The following ZNF512B variants were observed in gnomAD, a reference collection of about 807,000 sequenced individuals.
ZNF512B encodes zinc finger protein 512B.
A neutral mutation model predicts 87.8 loss-of-function variants in ZNF512B; 22 were observed. That is an observed-to-expected ratio of 0.25 (90% confidence interval 0.18 to 0.36). ZNF512B has a LOEUF of 0.36. Ranked by LOEUF, ZNF512B falls within the 10% of genes least tolerant of loss-of-function variation. The probability of loss-of-function intolerance (pLI) is 1.00; values close to 1 mark genes in which losing one functional copy is unlikely to be tolerated. For synonymous variants in ZNF512B, 524 were observed against 490.9 expected, an observed-to-expected ratio of 1.07 and a Z score of -0.89; for missense variants, 1,060 against 1,231.6, an observed-to-expected ratio of 0.86 and a Z score of 2.09.
In ZNF512B at chr20:63,961,685, C is replaced by T. The variant is rs897817853; in HGVS notation, c.2328+257G>A. Among the ~76,000 whole-genome samples, 1 of 152,150 alleles carries T rather than the reference C, an allele frequency of 6.6e-6. No homozygotes were observed. The highest frequency in any genetic ancestry group is 2.4e-5 in the African/African-American group (1 of 41,430). On this transcript the variant is annotated intron_variant, in intron 15 of 16. Coordinates refer to ENST00000369888, the MANE Select transcript of ZNF512B (RefSeq NM_020713.3). This position sits in a 1 kb window ranked among gnomAD's most constrained non-coding sequence, Gnocchi z 6.4. ...TGCCATCTGCGTGGGTCGGGGTGCCCACCCATGCCTACATGGACGCAGAGC... is the reference window on the plus strand; with the variant it reads ...TGCCATCTGCGTGGGTCGGGGTGCCTACCCATGCCTACATGGACGCAGAGC...
Position 63,959,557 on chromosome 20 carries a change from C to CG in ZNF512B, c.*330dup, listed in dbSNP as rs911840046. 14 of 336,862 alleles carry CG rather than the reference C, an allele frequency of 4.2e-5. 1 individual carries two copies. Among genetic ancestry groups the CG allele is most frequent in the Admixed American group, 1.9e-4 (4 of 21,408 alleles). 20.9% of individuals were successfully genotyped at this position (336,862 alleles called of 1,614,324 possible). Reference sequence around the variant, plus strand: ...CCGGCAGGGCCTGAGGAAGCGGAGCCGGGGGGCCAAAGGCCATCTGCCTAC... The same window carrying CG: ...CCGGCAGGGCCTGAGGAAGCGGAGCCGGGGGGGCCAAAGGCCATCTGCCTAC... On this transcript the variant is annotated 3_prime_UTR_variant, in exon 17 of 17. Transcript: ENST00000369888.
At chr20:63,968,498 TTGA>T (rs2058950273) in intron 1 of ZNF512B, among the ~76,000 whole-genome samples, 1 of 152,152 alleles carries the variant, frequency 6.6e-6, no homozygotes, top group Non-Finnish European at 1.5e-5. Flanking sequence ...CCATGCTGAC[TTGA>T]TGCAATGCCA....
Position 63,957,764 on chromosome 20 carries a change from T to A in ZNF512B, c.*2124A>T, listed in dbSNP as rs1359553338. On this transcript the variant is annotated 3_prime_UTR_variant, in exon 17 of 17. Coordinates refer to ENST00000369888, the MANE Select transcript of ZNF512B (RefSeq NM_020713.3). ...ACCCTGCAGGTGTTCAGGTCCACCC[T>A]CCTCCCGCCATTGGTGGCAAGGACA... The A allele has an allele frequency of 6.6e-6, 1 of 152,108 alleles. No individual in the cohort carries two copies. Among genetic ancestry groups the A allele is most frequent in the African/African-American group, 2.4e-5 (1 of 41,304 alleles). 9.4% of individuals were successfully genotyped at this position (152,108 alleles called of 1,614,324 possible).
rs1050977433 is a variant in ZNF512B, at chr20:63,969,888, C to G, written c.-77G>C. On this transcript the variant is annotated 5_prime_UTR_variant, in exon 1 of 17. Transcript: ENST00000369888. ...GGGCGCGGGGCGCGGGGCGCTGGGTCCGGGCGGCGCAGGCTGCGCGCCGCG... is the reference window on the plus strand; with the variant it reads ...GGGCGCGGGGCGCGGGGCGCTGGGTGCGGGCGGCGCAGGCTGCGCGCCGCG... 1 of 145,694 alleles carries G rather than the reference C, an allele frequency of 6.9e-6. No individual in the cohort carries two copies. Among genetic ancestry groups the G allele is most frequent in the Non-Finnish European group, 1.5e-5 (1 of 65,538 alleles). 9.0% of individuals were successfully genotyped at this position (145,694 alleles called of 1,614,324 possible). A position where few individuals can be genotyped will look rare whatever the true frequency, so the allele number is the denominator to read the frequency against.
At position 63,962,648 on chromosome 20, in the gene ZNF512B, T is replaced by G. The variant is rs777864013; in HGVS notation, c.2102A>C (p.Glu701Ala). The G allele has an allele frequency of 5.6e-6, 9 of 1,606,870 alleles. No homozygotes were observed. The highest frequency in any genetic ancestry group is 7.6e-6 in the Non-Finnish European group (9 of 1,178,306). The change falls in exon 13 of 17, where the codon GAG (glutamate) becomes GCG (alanine). Residue 701 changes from glutamate to alanine, a missense_variant. By Grantham distance (107) the Glu-to-Ala change is moderately radical. This residue lies in a region of ZNF512B where 14 missense variants were observed against 38.7 expected (regional missense o/e 0.36). Coordinates refer to ENST00000369888, the MANE Select transcript of ZNF512B (RefSeq NM_020713.3). The stretch of plus-strand genomic sequence containing the variant: ...CCGCTTGGTCCAGTCGCGGGCCAGC[T>G]CGTCCTCCGCTATCTCCTGCAGGTG... Reference protein sequence around the residue: ...VFHLQEIAEDELARDWTKRRM... With the variant: ...VFHLQEIAEDALARDWTKRRM...
At position 63,969,858 on chromosome 20, in the gene ZNF512B, G is replaced by C. The variant is rs1380267343; in HGVS notation, c.-47C>G. ...TGCGGCCGGGCCGGGCCGGGCCGGGGCGGGGGGCGCGGGGCGCGGGGCGCT... is the reference window on the plus strand; with the variant it reads ...TGCGGCCGGGCCGGGCCGGGCCGGGCCGGGGGGCGCGGGGCGCGGGGCGCT... On this transcript the variant is annotated 5_prime_UTR_variant, in exon 1 of 17. Transcript: ENST00000369888. 1 of 144,742 alleles carries C rather than the reference G, an allele frequency of 6.9e-6. No individual in the cohort carries two copies. Among genetic ancestry groups the C allele is most frequent in the Non-Finnish European group, 1.5e-5 (1 of 65,014 alleles). The allele number at this position is 144,742 out of a possible 1,614,324, so 9.0% of individuals were successfully genotyped here.
chr20:63,969,388 C>T (rs1214096228), intron 1 of ZNF512B, among the ~76,000 whole-genome samples: 3 of 152,022 alleles, frequency 2.0e-5, no homozygotes, highest in African/African-American at 7.2e-5. Context: ...GGGGCTCCGC[C>T]GCGCTGCGCG....
chr20:63,963,237 A>C lies in ZNF512B; in HGVS notation c.1826T>G (p.Met609Arg). The C allele has an allele frequency of 6.5e-7, 1 of 1,548,050 alleles. No homozygotes were observed. The highest frequency in any genetic ancestry group is 1.2e-5 in the South Asian group (1 of 84,546). ...EGCGAAFSSL[M>R]GYQYHQRRCG... ...GCGCCGCTGGTGGTACTGGTAGCCC[A>C]TGAGGCTGGAGAAGGCAGCCCCGCA... is the stretch of plus-strand genomic sequence containing the variant. The change falls in exon 12 of 17, where the codon ATG (methionine) becomes AGG (arginine). Residue 609 changes from methionine (M) to arginine (R), a missense_variant. Transcript: ENST00000369888.
chr20:63,960,508 G>A (rs369899117), intron 16 of ZNF512B, among the ~76,000 whole-genome samples: 3 of 136,632 alleles, frequency 2.2e-5, no homozygotes, highest in South Asian at 5.3e-4. Context: ...GGCACCTGCC[G>A]CAGGGCTGGA....
At chr20:63,968,630 C>T (rs1489098944) in intron 1 of ZNF512B, among the ~76,000 whole-genome samples, 1 of 152,210 alleles carries the variant, frequency 6.6e-6, no homozygotes, top group Admixed American at 6.5e-5. Context: ...GTCCCTGTGC[C>T]GGCTGAACTA....
intron 2 of ZNF512B, 69 bp from the exon 3 acceptor site, chr20:63,967,592 CCA>C: frequency 7.2e-6 from 11 of 1,520,296 alleles, no homozygotes; most frequent in Non-Finnish European, 9.7e-6. Context: ...CTGCACAGGC[CCA>C]CAGTGAGCAC....
At position 63,961,680 on chromosome 20, in the gene ZNF512B, G is replaced by A. The variant is rs1287162974; in HGVS notation, c.2328+262C>T. Among the ~76,000 whole-genome samples, 1 of 152,152 alleles carries A rather than the reference G, an allele frequency of 6.6e-6. No homozygotes were observed. Among genetic ancestry groups the A allele is most frequent in the Non-Finnish European group, 1.5e-5 (1 of 68,024 alleles). ...CAGTGTGCCATCTGCGTGGGTCGGGGTGCCCACCCATGCCTACATGGACGC... is the reference window on the plus strand; with the variant it reads ...CAGTGTGCCATCTGCGTGGGTCGGGATGCCCACCCATGCCTACATGGACGC... On this transcript the variant is annotated intron_variant, in intron 15 of 16. Coordinates refer to ENST00000369888, the MANE Select transcript of ZNF512B (RefSeq NM_020713.3). The surrounding 1 kb of genome is among the most constrained non-coding windows in gnomAD (Gnocchi z 6.4).
At chr20:63,964,884 T>TGTGGCACGAGGTGCTTTGTTCTCC (rs1569197957) in intron 5 of ZNF512B, among the ~76,000 whole-genome samples, 168 bp from the exon 6 acceptor site, 1,324 of 34,454 alleles carry the variant, frequency 0.038, 235 homozygotes, top group Non-Finnish European at 0.05. Flanking sequence ...CACTGTTCCC[T>TGTGGCACGAGGTGCTTTGTTCTCC]GACCTGGGAC....
At position 63,963,985 on chromosome 20, in the gene ZNF512B, A is replaced by T; in HGVS notation, c.1481-72T>A. On this transcript the variant is annotated intron_variant, in intron 8 of 16. Transcript: ENST00000369888. ...GGCCCAGACGCCAGGCACAGAATCCAGTCTCCACACTCAGCCCCCATCCCT... is the reference window on the plus strand; with the variant it reads ...GGCCCAGACGCCAGGCACAGAATCCTGTCTCCACACTCAGCCCCCATCCCT... The T allele has an allele frequency of 1.1e-5, 18 of 1,597,668 alleles. No homozygotes were observed. The South Asian group carries it at 2.0e-4, about 18-fold the overall frequency.
rs946300402 is a variant in ZNF512B, at chr20:63,957,699, C to T, written c.*2189G>A. On this transcript the variant is annotated 3_prime_UTR_variant, in exon 17 of 17. Transcript: ENST00000369888. ...AAAAACCAGACCCTCTTCTCTTCTC[C>T]CCAAGGGCCAAGTACCTGAGAGGCT... 6.6e-6 allele frequency: 1 copy of T among 152,668 alleles called. No individual in the cohort carries two copies. The highest frequency in any genetic ancestry group is 1.5e-5 in the Non-Finnish European group (1 of 68,234). 9.5% of individuals were successfully genotyped at this position (152,668 alleles called of 1,614,324 possible). A position where few individuals can be genotyped will look rare whatever the true frequency, so the allele number is the denominator to read the frequency against.
intron 12 of ZNF512B, 90 bp downstream of exon 12, chr20:63,963,005 C>T (rs1601477892): frequency 7.0e-7 from 1 of 1,431,764 alleles, no homozygotes; most frequent in Non-Finnish European, 9.3e-7. Context: ...TTGGGCGGTA[C>T]ATGGACAAAT....
Position 63,963,816 on chromosome 20 carries a change from A to G in ZNF512B, c.1578T>C (p.Leu526=), listed in dbSNP as rs817325. The change falls in exon 9 of 17, where the codon CTT becomes CTC. Residue 526 remains leucine (L), a synonymous_variant. Transcript: ENST00000369888. ...NVVTRKTLVG[L]KKHMEVCQKL... Reference sequence around the variant, plus strand: ...TCTGACACACCTCCATGTGCTTCTTAAGCCCCACGAGAGTCTTCCGGGTGA... The same window carrying G: ...TCTGACACACCTCCATGTGCTTCTTGAGCCCCACGAGAGTCTTCCGGGTGA... The G allele has an allele frequency of 0.57, 922,499 of 1,612,712 alleles. 273,498 individuals carry two copies. Among genetic ancestry groups the G allele is most frequent in the African/African-American group, 0.73 (55,062 of 75,030 alleles).
At chr20:63,963,962 C>G (rs1283140897) in intron 8 of ZNF512B, 49 bp from the exon 9 acceptor site, 1 of 1,601,226 alleles carries the variant, frequency 6.2e-7, no homozygotes, top group Admixed American at 1.7e-5. Flanking sequence ...TGCTGGGTGG[C>G]CCAGACGCCA....
chr20:63,967,325 G>A (rs760220166), intron 3 of ZNF512B, 56 bp downstream of exon 3: 43 of 1,537,728 alleles, frequency 2.8e-5, no homozygotes, highest in Non-Finnish European at 3.7e-5. Flanking sequence ...GGGCAGGGCA[G>A]TGGCTGGATA....
Sources: gnomAD v4.1 joint callset for allele counts (sites outside exome capture counted in the v4.1 genomes callset) on GRCh38, gnomAD v4.1.1 for gene constraint, gnomAD v4.1.1 regional missense constraint, Gnocchi (gnomAD v3.1) non-coding constraint, MANE v1.5 for transcripts, NCBI Gene and HGNC (gene_info 2026-07-23, HGNC 2026-07-21) for gene names.